The following ARHGAP10 variants were observed in gnomAD, a reference collection of about 807,000 sequenced individuals.
ARHGAP10 encodes Rho GTPase activating protein 10, also known as rho GTPase-activating protein 10.
A neutral mutation model predicts 108.6 loss-of-function variants in ARHGAP10; 87 were observed. The ratio of observed to expected loss-of-function variants is 0.80; its 90% CI spans 0.67 to 0.96. The LOEUF is 0.96. Among genes scored for constraint, ARHGAP10 ranks in the 40% least tolerant of loss-of-function variants. ARHGAP10 has a pLI of 0.00. For missense variants in ARHGAP10, 939 were observed against 954.5 expected (o/e 0.98, Z 0.21); for synonymous variants, 347 against 341.1 (o/e 1.02, Z -0.19).
chr4:147,840,784 C>G (rs1040431367), intron 3 of ARHGAP10, among the ~76,000 whole-genome samples: 5 of 152,138 alleles, frequency 3.3e-5, no homozygotes, highest in Non-Finnish European at 5.9e-5. Flanking sequence ...CTTTTGAGTC[C>G]CTCTCTTTAG....
chr4:147,919,116 G>A (rs988923353), intron 13 of ARHGAP10, among the ~76,000 whole-genome samples: 4 of 152,204 alleles, frequency 2.6e-5, no homozygotes, highest in Non-Finnish European at 5.9e-5. Flanking sequence ...CTTTATTTGT[G>A]ATATTATTGC....
chr4:148,020,346 T>G (rs1046722230), intron 18 of ARHGAP10, among the ~76,000 whole-genome samples: 13 of 152,178 alleles, frequency 8.5e-5, no homozygotes, highest in African/African-American at 3.1e-4. Context: ...TTTGCAGGTT[T>G]GTTACATGAA....
chr4:147,872,088 T>A (rs1579142138), intron 7 of ARHGAP10, among the ~76,000 whole-genome samples: 1 of 117,480 alleles, frequency 8.5e-6, no homozygotes, highest in Non-Finnish European at 1.6e-5. Flanking sequence ...ACCAACAGAG[T>A]GAGACTCGGT....
chr4:147,819,802 G>A (rs116342460), intron 1 of ARHGAP10, among the ~76,000 whole-genome samples: 2,701 of 152,140 alleles, frequency 0.018, 77 homozygotes, highest in Admixed American at 0.081. Context: ...TAGGTGATCC[G>A]CCCGTCTCGG....
chr4:147,914,006 A>T (rs1037978244), intron 13 of ARHGAP10, among the ~76,000 whole-genome samples: 3 of 152,112 alleles, frequency 2.0e-5, no homozygotes, highest in Non-Finnish European at 4.4e-5. Context: ...TACAAAAATT[A>T]GCTGGGTGTG....
At chr4:147,903,382 C>T (rs1245761328) in intron 10 of ARHGAP10, among the ~76,000 whole-genome samples, 1 of 152,216 alleles carries the variant, frequency 6.6e-6, no homozygotes, top group East Asian at 1.9e-4. Flanking sequence ...CCAACTCCCA[C>T]ACATGCATAG....
chr4:148,022,467 T>A (rs1395169077), intron 18 of ARHGAP10, among the ~76,000 whole-genome samples: 1 of 152,228 alleles, frequency 6.6e-6, no homozygotes, highest in Admixed American at 6.5e-5. Context: ...GCCTGCAGCA[T>A]TGCTGGAAGG....
rs572960359 is a variant in ARHGAP10 at position 147,798,169 on chromosome 4, C to T, written c.155-24558C>T. Among the ~76,000 whole-genome samples the T allele has an allele frequency of 4.7e-5, 7 of 149,762 alleles. No homozygotes were observed. In the South Asian group the frequency reaches 1.5e-3, roughly 32 times the overall value. ...TTTTTTCGTAAGGGATACATTCTTT[C>T]AGTAGCTTTATTTAAATGTAGTGTG... is the stretch of plus-strand genomic sequence containing the variant. On this transcript the variant is annotated intron_variant, in intron 1 of 22. Coordinates refer to ENST00000336498, the MANE Select transcript of ARHGAP10 (RefSeq NM_024605.4).
At chr4:147,876,614 C>G (rs542681243) in intron 8 of ARHGAP10, among the ~76,000 whole-genome samples, 1 of 152,010 alleles carries the variant, frequency 6.6e-6, no homozygotes, top group Admixed American at 6.5e-5. Flanking sequence ...AAAAACAAAA[C>G]AAAACAAAAA....
chr4:147,823,801 C>T (rs1316842057), intron 3 of ARHGAP10, among the ~76,000 whole-genome samples: 1 of 152,008 alleles, frequency 6.6e-6, no homozygotes, highest in South Asian at 2.1e-4. Flanking sequence ...ACAGCTGTCC[C>T]CCATGGGGTG....
chr4:147,751,613 A>T (rs1266273785), intron 1 of ARHGAP10, among the ~76,000 whole-genome samples: 1 of 151,694 alleles, frequency 6.6e-6, no homozygotes, highest in East Asian at 2.0e-4. Flanking sequence ...TGATGTGCCT[A>T]CCTCCGGCCC....
At chr4:147,925,859 G>C (rs2126941246) in intron 13 of ARHGAP10, among the ~76,000 whole-genome samples, 1 of 152,286 alleles carries the variant, frequency 6.6e-6, no homozygotes, top group African/African-American at 2.4e-5. Context: ...AAGATGGCCA[G>C]GTGATACTTA....
chr4:147,961,375 T>G (rs538041380), intron 16 of ARHGAP10, among the ~76,000 whole-genome samples: 1 of 152,338 alleles, frequency 6.6e-6, no homozygotes, highest in East Asian at 1.9e-4. Flanking sequence ...TTTGCCCTTT[T>G]GTCTGTTGGA....
At chr4:147,987,025 T>G (rs1740070467) in intron 18 of ARHGAP10, among the ~76,000 whole-genome samples, 1 of 152,218 alleles carries the variant, frequency 6.6e-6, no homozygotes. Flanking sequence ...GATAACGGGA[T>G]TATTGCGGAT....
chr4:147,844,724 C>G (rs1020471005), intron 3 of ARHGAP10, among the ~76,000 whole-genome samples: 19 of 152,212 alleles, frequency 1.2e-4, no homozygotes, highest in Non-Finnish European at 2.6e-4. Flanking sequence ...GCAAATATCT[C>G]TCAAATCTGT....
At chr4:147,866,918 G>A (rs1255111881) in intron 7 of ARHGAP10, 102 bp downstream of exon 7, 2 of 985,278 alleles carry the variant, frequency 2.0e-6, no homozygotes, top group Admixed American at 2.5e-5. Flanking sequence ...ATGCTGATCT[G>A]TTTGTACTGA....
chr4:147,804,367 G>A lies in ARHGAP10; in HGVS notation c.155-18360G>A, dbSNP rs962892254. 5.9e-5 allele frequency among the ~76,000 whole-genome samples: 9 copies of A among 152,150 alleles called. No individual in the cohort carries two copies. In the South Asian group the frequency reaches 1.7e-3, roughly 28 times the overall value. On this transcript the variant is annotated intron_variant, in intron 1 of 22. Coordinates refer to ENST00000336498, the MANE Select transcript of ARHGAP10 (RefSeq NM_024605.4). ...TTATGGCCATATATTATTCCATGGT[G>A]TATATGTACCACATTTTCTTTATCC...
intron 18 of ARHGAP10, among the ~76,000 whole-genome samples, chr4:147,998,488 T>C (rs533058675): frequency 6.6e-6 from 1 of 152,360 alleles, no homozygotes; most frequent in East Asian, 1.9e-4. Context: ...CAAATTCTTT[T>C]TGTGACGTCA....
At chr4:147,822,322 C>T (rs1732533678) in intron 1 of ARHGAP10, among the ~76,000 whole-genome samples, 1 of 152,176 alleles carries the variant, frequency 6.6e-6, no homozygotes, top group South Asian at 2.1e-4. Flanking sequence ...TGTCTGAAAC[C>T]ATGGCAGGCA....
Sources: allele counts gnomAD v4.1 joint callset (sites outside exome capture counted in the v4.1 genomes callset), GRCh38; gene constraint gnomAD v4.1.1; transcripts MANE v1.5; gene names NCBI Gene and HGNC (gene_info 2026-07-23, HGNC 2026-07-21).